Variants in CPXM2 observed in about 807,000 individuals in gnomAD.
CPXM2 encodes carboxypeptidase X, M14 family member 2, also known as inactive carboxypeptidase-like protein X2.
In CPXM2, 66 loss-of-function variants were observed where a neutral mutation model predicts 86.1. The ratio of observed to expected loss-of-function variants is 0.77; its 90% CI spans 0.63 to 0.94. CPXM2 has a LOEUF of 0.94. CPXM2 is among the 40% of genes least tolerant of loss of function. CPXM2 has a pLI of 0.00. For synonymous variants in CPXM2, 388 were observed against 400.2 expected, an observed-to-expected ratio of 0.97 and a Z score of 0.36; for missense variants, 948 against 1,026.3, an observed-to-expected ratio of 0.92 and a Z score of 1.04.
At chr10:123,892,221 C>A (rs1179119422), upstream of CPXM2, among the ~76,000 whole-genome samples, 2 of 152,212 alleles carry the variant, frequency 1.3e-5, no homozygotes, top group Non-Finnish European at 2.9e-5. Context: ...GTGGACTTCC[C>A]ACTAGCCATG....
upstream of CPXM2, among the ~76,000 whole-genome samples, chr10:123,893,941 C>T (rs1043806855): frequency 6.6e-6 from 1 of 152,202 alleles, no homozygotes; most frequent in African/African-American, 2.4e-5. Context: ...AACAGCAGAC[C>T]GACACCCAGG....
intron 4 of CPXM2, among the ~76,000 whole-genome samples, chr10:123,834,385 G>A (rs1250898746): frequency 1.3e-5 from 2 of 152,318 alleles, no homozygotes; most frequent in African/African-American, 2.4e-5. Flanking sequence ...TGCTCCCCAG[G>A]AGCAACGTCA....
chr10:123,815,727 T>TTA (rs1299857619), intron 4 of CPXM2, among the ~76,000 whole-genome samples: 1 of 152,152 alleles, frequency 6.6e-6, no homozygotes, highest in Non-Finnish European at 1.5e-5. Context: ...TCTAGACAGA[T>TTA]AATTAAAGTC....
chr10:123,915,050 C>G (rs914500899), intron 2 of CPXM2, among the ~76,000 whole-genome samples: 2 of 152,222 alleles, frequency 1.3e-5, no homozygotes, highest in African/African-American at 4.8e-5. Flanking sequence ...GTCCCCTCCC[C>G]TCCCGCGGCT....
chr10:123,899,926 G>T (rs1441243680), intron 2 of CPXM2, among the ~76,000 whole-genome samples: 1 of 152,120 alleles, frequency 6.6e-6, no homozygotes, highest in Non-Finnish European at 1.5e-5. Flanking sequence ...AATAAGAAGA[G>T]GAGGAATTAA....
intron 2 of CPXM2, among the ~76,000 whole-genome samples, chr10:123,867,527 CTTTT>C (rs34482126): frequency 8.6e-5 from 8 of 92,924 alleles, no homozygotes; most frequent in Non-Finnish European, 1.7e-4. Flanking sequence ...AGATTTCTTT[CTTTT>C]TTTTTTTTTT....
rs369537858 is a variant in CPXM2, at chr10:123,780,153, G to A, written c.978+14C>T. On this transcript the variant is annotated intron_variant, in intron 7 of 13. Coordinates refer to ENST00000241305, the MANE Select transcript of CPXM2 (RefSeq NM_198148.3). ...ACAAATTCCTGGCATGAGGCTTTGT[G>A]ATCTGGGTCTTACCTGGCGCATTTC... The A allele has an allele frequency of 5.2e-6, 8 of 1,540,898 alleles. No homozygotes were observed. In the African/African-American group the frequency reaches 9.5e-5, roughly 18 times the overall value.
At position 123,762,071 on chromosome 10, in the gene CPXM2, G is replaced by A. The variant is rs1191409142; in HGVS notation, c.1578C>T (p.Pro526=). The change falls in exon 11 of 14, where the codon CCC becomes CCT. Residue 526 remains proline, a synonymous_variant. Coordinates refer to ENST00000241305, the MANE Select transcript of CPXM2 (RefSeq NM_198148.3). ...TCCAGGGGGACCGCACCAGGTCGTA[G>A]GGGTACGCCACCACCAGCTCGCCGC... The part of the protein sequence containing the change: ...LQGGELVVAY[P]YDLVRSPWKT... 2 of 1,614,110 alleles carry A rather than the reference G, an allele frequency of 1.2e-6. No homozygotes were observed. Among genetic ancestry groups the A allele is most frequent in the South Asian group, 1.1e-5 (1 of 91,078 alleles).
At chr10:123,778,787 G>A (rs1846864669) in intron 7 of CPXM2, among the ~76,000 whole-genome samples, 1 of 152,202 alleles carries the variant, frequency 6.6e-6, no homozygotes, top group Non-Finnish European at 1.5e-5. Context: ...TCCATAAAAT[G>A]GAATGGCAAG....
chr10:123,936,190 G>A (rs936301660), intron 2 of CPXM2, among the ~76,000 whole-genome samples: 2 of 83,268 alleles, frequency 2.4e-5, no homozygotes, highest in Non-Finnish European at 5.0e-5. Context: ...AGCCCTGTAA[G>A]ATCAGCACTA....
intron 2 of CPXM2, among the ~76,000 whole-genome samples, chr10:123,864,238 G>A (rs1013429311): frequency 5.3e-5 from 8 of 151,924 alleles, no homozygotes; most frequent in Admixed American, 2.6e-4. Context: ...CCCGCCCACC[G>A]AGAGACCCCA....
intron 2 of CPXM2, among the ~76,000 whole-genome samples, chr10:123,902,749 G>T (rs971753542): frequency 6.6e-6 from 1 of 152,176 alleles, no homozygotes; most frequent in Non-Finnish European, 1.5e-5. Flanking sequence ...CATTGCCTTG[G>T]GGTTGGGGAT....
At chr10:123,797,288 C>T (rs1847353256) in intron 6 of CPXM2, among the ~76,000 whole-genome samples, 1 of 152,216 alleles carries the variant, frequency 6.6e-6, no homozygotes, top group South Asian at 2.1e-4. Context: ...ACCCCACCGC[C>T]ACTACCCAGT....
At chr10:123,843,120 C>CTTT in intron 3 of CPXM2, 15 of 276,114 alleles carry the variant, frequency 5.4e-5, no homozygotes, top group East Asian at 1.0e-4. Flanking sequence ...ACCAAAAATT[C>CTTT]TTTTTTTTTT....
chr10:123,943,121 C>T (rs1338115913), upstream of CPXM2, among the ~76,000 whole-genome samples: 1 of 147,262 alleles, frequency 6.8e-6, no homozygotes. Flanking sequence ...CCTAACAATG[C>T]ATTTCTCAAA....
intron 13 of CPXM2, chr10:123,752,793 C>T (rs556947143): frequency 7.4e-5 from 13 of 175,814 alleles, no homozygotes; most frequent in Non-Finnish European, 1.3e-4. Context: ...GTTCATCCGC[C>T]CATTCACCAA....
chr10:123,890,860 G>T (rs1309530686), intron 1 of CPXM2, among the ~76,000 whole-genome samples: 1 of 152,140 alleles, frequency 6.6e-6, no homozygotes, highest in Non-Finnish European at 1.5e-5. Context: ...CAAGAGACCC[G>T]CTGAGAGTGG....
At chr10:123,788,279 C>CAA (rs55818352) in intron 6 of CPXM2, among the ~76,000 whole-genome samples, 1 of 124,218 alleles carries the variant, frequency 8.1e-6, no homozygotes, top group African/African-American at 3.1e-5. Context: ...GACCCCATCT[C>CAA]AAAAAAAAAA....
upstream of CPXM2, among the ~76,000 whole-genome samples, chr10:123,895,121 CTTTTTTTTTTT>C (rs869104432): frequency 2.3e-5 from 2 of 85,878 alleles, no homozygotes; most frequent in East Asian, 5.9e-4. Flanking sequence ...TCTTTTTTTT[CTTTTTTTTTTT>C]TTTTTTTTTT....
Sources: allele counts gnomAD v4.1 joint callset (sites outside exome capture counted in the v4.1 genomes callset), GRCh38; gene constraint gnomAD v4.1.1; transcripts MANE v1.5; gene names NCBI Gene and HGNC (gene_info 2026-07-23, HGNC 2026-07-21).